Variants in FHIT observed in about 807,000 individuals in gnomAD.
FHIT encodes fragile histidine triad diadenosine triphosphatase, also known as bis(5'-adenosyl)-triphosphatase.
Under a neutral mutation model 17.9 loss-of-function variants are expected in FHIT, and 19 were observed. The ratio of observed to expected loss-of-function variants is 1.06; its 90% CI spans 0.74 to 1.56. FHIT has a LOEUF of 1.56. Ranked by LOEUF, FHIT falls within the 40% of genes most tolerant of loss-of-function variation. The pLI is 0.00. For missense variants in FHIT, 248 were observed against 189.2 expected (o/e 1.31, Z -1.82); for synonymous variants, 81 against 69.7 (o/e 1.16, Z -0.81).
chr3:60,951,756 TG>T (rs1708894525), intron 3 of FHIT, among the ~76,000 whole-genome samples: 1 of 152,142 alleles, frequency 6.6e-6, no homozygotes, highest in Non-Finnish European at 1.5e-5. Flanking sequence ...ATGATCTAGA[TG>T]GGGGTCAAAA....
intron 7 of FHIT, among the ~76,000 whole-genome samples, chr3:59,940,391 C>T (rs931321): frequency 0.79 from 120,372 of 152,118 alleles, 47,837 homozygotes; most frequent in East Asian, 0.98. Context: ...TTAAAAATTA[C>T]TCTACTGAAG....
At chr3:61,013,569 G>C (rs978992666) in intron 3 of FHIT, among the ~76,000 whole-genome samples, 1 of 152,056 alleles carries the variant, frequency 6.6e-6, no homozygotes, top group Non-Finnish European at 1.5e-5. Context: ...CCCTTTTTAA[G>C]TGTCTTTACA....
intron 3 of FHIT, among the ~76,000 whole-genome samples, chr3:60,839,102 G>C (rs1320201055): frequency 2.0e-5 from 3 of 152,098 alleles, no homozygotes; most frequent in South Asian, 2.1e-4. Flanking sequence ...TGCTGGGCTA[G>C]AGGGCCTCAT....
At chr3:60,339,296 G>C (rs990002159) in intron 5 of FHIT, among the ~76,000 whole-genome samples, 1 of 152,010 alleles carries the variant, frequency 6.6e-6, no homozygotes, top group Non-Finnish European at 1.5e-5. Context: ...GTATTAAAGA[G>C]AGATTCATTT....
intron 5 of FHIT, among the ~76,000 whole-genome samples, chr3:60,241,729 A>G (rs970942965): frequency 3.3e-5 from 5 of 152,124 alleles, no homozygotes; most frequent in Admixed American, 1.3e-4. Flanking sequence ...ACATATGAAG[A>G]GAGAAGAGAT....
chr3:61,084,284 A>G (rs1051847119), intron 2 of FHIT, among the ~76,000 whole-genome samples: 2 of 152,188 alleles, frequency 1.3e-5, no homozygotes, highest in African/African-American at 2.4e-5. Flanking sequence ...CTATTTGCTT[A>G]TCCTTGTGCA....
intron 1 of FHIT, among the ~76,000 whole-genome samples, chr3:61,212,219 A>G (rs533682663): frequency 3.3e-5 from 5 of 152,302 alleles, no homozygotes; most frequent in African/African-American, 1.2e-4. Context: ...AAAGGAGGAA[A>G]TTCAAACCAA....
At chr3:60,372,737 G>A (rs561585492) in intron 5 of FHIT, among the ~76,000 whole-genome samples, 9 of 152,216 alleles carry the variant, frequency 5.9e-5, no homozygotes, top group Admixed American at 2.0e-4. Context: ...GCTTTAGGAT[G>A]TCTTTTATTT....
chr3:60,207,544 G>C (rs376923711), intron 5 of FHIT, among the ~76,000 whole-genome samples: 14 of 152,080 alleles, frequency 9.2e-5, no homozygotes, highest in African/African-American at 3.4e-4. Context: ...TGCACTAAGA[G>C]TATAAAGCGA....
chr3:60,296,039 G>T (rs558877814), intron 5 of FHIT, among the ~76,000 whole-genome samples: 1 of 152,026 alleles, frequency 6.6e-6, no homozygotes, highest in East Asian at 1.9e-4. Flanking sequence ...TTCCCCTTTC[G>T]CTTGGCTCAT....
intron 4 of FHIT, among the ~76,000 whole-genome samples, chr3:60,580,035 G>A (rs1182290392): frequency 6.6e-6 from 1 of 152,116 alleles, no homozygotes; most frequent in African/African-American, 2.4e-5. Context: ...TACTAGGATG[G>A]TGTTTTTCAT....
At chr3:60,193,822 A>G (rs1576287056) in intron 5 of FHIT, among the ~76,000 whole-genome samples, 2 of 152,304 alleles carry the variant, frequency 1.3e-5, no homozygotes, top group East Asian at 3.9e-4. Context: ...CAGGAAAGGA[A>G]GGAGAGAGTC....
chr3:60,679,941 A>G (rs567263903), intron 4 of FHIT, among the ~76,000 whole-genome samples: 1 of 152,226 alleles, frequency 6.6e-6, no homozygotes, highest in South Asian at 2.1e-4. Flanking sequence ...TGTTGTTTTT[A>G]CTCATTCTTT....
chr3:61,235,752 A>T (rs1295927722), intron 1 of FHIT, among the ~76,000 whole-genome samples: 1 of 152,090 alleles, frequency 6.6e-6, no homozygotes, highest in Non-Finnish European at 1.5e-5. Flanking sequence ...TTAAATGCAG[A>T]CTCAGTATCA....
intron 5 of FHIT, among the ~76,000 whole-genome samples, chr3:60,402,739 C>T (rs1000482971): frequency 2.0e-5 from 3 of 151,994 alleles, no homozygotes; most frequent in African/African-American, 7.2e-5. Context: ...TAAAAATAGT[C>T]CAAAAATGAA....
chr3:60,333,469 T>C (rs1390331287), intron 5 of FHIT, among the ~76,000 whole-genome samples: 1 of 21,838 alleles, frequency 4.6e-5, no homozygotes, highest in African/African-American at 1.7e-4. Flanking sequence ...AAAGGCATAT[T>C]TGAACTGTTT....
chr3:60,094,796 GGT>G (rs1703871338), intron 5 of FHIT, among the ~76,000 whole-genome samples: 1 of 124,974 alleles, frequency 8.0e-6, no homozygotes, highest in Admixed American at 8.0e-5. Context: ...GAACACAAGG[GGT>G]GGGGGAGAGA....
intron 3 of FHIT, among the ~76,000 whole-genome samples, chr3:60,929,019 G>A (rs1707806037): frequency 6.6e-6 from 1 of 152,160 alleles, no homozygotes; most frequent in Middle Eastern, 3.2e-3. Context: ...TATCCACCAT[G>A]ATCAAGTTGG....
At chr3:60,248,083 T>A (rs955088858) in intron 5 of FHIT, among the ~76,000 whole-genome samples, 1 of 152,138 alleles carries the variant, frequency 6.6e-6, no homozygotes, top group African/African-American at 2.4e-5. Flanking sequence ...TATCTAAAAA[T>A]TGTCATTCTT....
Sources: allele counts gnomAD v4.1 joint callset (sites outside exome capture counted in the v4.1 genomes callset), GRCh38; gene constraint gnomAD v4.1.1; transcripts MANE v1.5; gene names NCBI Gene and HGNC (gene_info 2026-07-23, HGNC 2026-07-21).